The following NR5A1 variants were observed in gnomAD, a reference collection of about 807,000 sequenced individuals.
The protein encoded by NR5A1 is steroidogenic factor 1.
A neutral mutation model predicts 42.7 loss-of-function variants in NR5A1; 6 were observed. That is an observed-to-expected ratio of 0.14 (90% CI 0.08 to 0.28). The LOEUF (loss-of-function observed/expected upper bound fraction) is 0.28. Ranked by LOEUF, NR5A1 falls within the 10% of genes least tolerant of loss-of-function variation. NR5A1 has a pLI of 1.00. For missense variants in NR5A1, 442 were observed against 626.4 expected, an observed-to-expected ratio of 0.71 and a Z score of 3.14; for synonymous variants, 274 against 277.5, an observed-to-expected ratio of 0.99 and a Z score of 0.12.
intron 6 of NR5A1, among the ~76,000 whole-genome samples, chr9:124,487,500 C>T (rs140656199): frequency 2.0e-4 from 30 of 152,386 alleles, no homozygotes; most frequent in African/African-American, 6.7e-4. Context: ...CCGTGATTGC[C>T]AGGAGAGAGG....
intron 4 of NR5A1, among the ~76,000 whole-genome samples, chr9:124,495,896 C>T (rs910831932): frequency 1.3e-5 from 2 of 152,198 alleles, no homozygotes; most frequent in African/African-American, 4.8e-5. Flanking sequence ...TTTGGTGCCC[C>T]GTGCCCTGCA....
At chr9:124,491,017 A>AGGCCC in intron 6 of NR5A1, 64 bp downstream of exon 6, 5 of 457,438 alleles carry the variant, frequency 1.1e-5, no homozygotes, top group African/African-American at 2.1e-5. Context: ...CTCCAGCCTC[A>AGGCCC]CCCACCCTCC....
rs781555907 is a variant in NR5A1, at chr9:124,482,970, C to G, written c.1174G>C (p.Asp392His). The stretch of plus-strand genomic sequence containing the variant: ...GCGGCGTTGGCCTTCTCCTGAGCGT[C>G]TTTCACCAGGATGTGGTTATTCAGG... ...KFLNNHILVK[D>H]AQEKANAALL... is the part of the protein sequence containing the mutation. The change falls in exon 7 of 7, where the codon GAC (aspartate) becomes CAC (histidine). Residue 392 changes from aspartate to histidine, a missense_variant. Physicochemically the swap from Asp to His is moderately conservative, Grantham distance 81 (BLOSUM62 -1). Transcript: ENST00000373588. The G allele has an allele frequency of 1.2e-6, 2 of 1,614,164 alleles. No homozygotes were observed. Among genetic ancestry groups the G allele is most frequent in the East Asian group, 2.2e-5 (1 of 44,876 alleles).
intron 1 of NR5A1, among the ~76,000 whole-genome samples, chr9:124,504,020 G>GAGAC (rs1366172417): frequency 5.1e-4 from 68 of 133,626 alleles, no homozygotes; most frequent in African/African-American, 2.2e-3. Context: ...GAGAGACAGG[G>GAGAC]AGACAGAGAG....
chr9:124,485,147 T>C (rs1177157085), intron 6 of NR5A1, among the ~76,000 whole-genome samples: 1 of 152,048 alleles, frequency 6.6e-6, no homozygotes, highest in African/African-American at 2.4e-5. Flanking sequence ...TTTCAGCTCC[T>C]GGGCAGCATT....
intron 3 of NR5A1, among the ~76,000 whole-genome samples, chr9:124,502,183 A>G (rs2131288779): frequency 6.6e-6 from 1 of 152,260 alleles, no homozygotes; most frequent in Non-Finnish European, 1.5e-5. Context: ...GATGGGCTTG[A>G]CAGCTAACCT....
Position 124,482,641 on chromosome 9 carries a change from G to C in NR5A1, c.*117C>G. On this transcript the variant is annotated 3_prime_UTR_variant, in exon 7 of 7. Transcript: ENST00000373588. ...GGCAGCGGCCTCTGGGACGGGGCTG[G>C]GGCTCCTCGGTGGGCATCAGAAAAT... 8.2e-7 allele frequency: 1 copy of C among 1,218,398 alleles called. No individual in the cohort carries two copies. The highest frequency in any genetic ancestry group is 1.2e-6 in the Non-Finnish European group (1 of 863,742). 75.5% of individuals were successfully genotyped at this position (1,218,398 alleles called of 1,614,324 possible). A position where few individuals can be genotyped will look rare whatever the true frequency, so the allele number is the denominator to read the frequency against.
intron 6 of NR5A1, among the ~76,000 whole-genome samples, chr9:124,487,089 C>A (rs934220957): frequency 1.3e-5 from 2 of 152,230 alleles, no homozygotes; most frequent in Non-Finnish European, 2.9e-5. Context: ...TCCCGGCACT[C>A]GCGGAGGTGG....
chr9:124,493,202 T>A, intron 4 of NR5A1, 53 bp from the exon 5 acceptor site: 1 of 1,577,328 alleles, frequency 6.3e-7, no homozygotes, highest in Non-Finnish European at 8.6e-7. Flanking sequence ...TCCAGGGACC[T>A]TCCTCTCACC....
chr9:124,501,032 G>C lies in NR5A1; in HGVS notation c.245-317C>G, dbSNP rs1416043969. 1.6e-6 allele frequency: 1 copy of C among 636,794 alleles called. No homozygotes were observed. Among genetic ancestry groups the C allele is most frequent in the Non-Finnish European group, 3.0e-6 (1 of 334,570 alleles). 39.4% of individuals were successfully genotyped at this position (636,794 alleles called of 1,614,324 possible). On this transcript the variant is annotated intron_variant, in intron 3 of 6. Transcript: ENST00000373588. The surrounding 1 kb of genome is among the most constrained non-coding windows in gnomAD (Gnocchi z 4.1). Reference sequence around the variant, plus strand: ...TGACTCAAACTTTTTTTTTTCTCTTGTGCTTGCTGAACACCCAGCCTCAAT... The same window carrying C: ...TGACTCAAACTTTTTTTTTTCTCTTCTGCTTGCTGAACACCCAGCCTCAAT...
rs370038021 is a variant in NR5A1, at chr9:124,500,892, C to G, written c.245-177G>C. 7 of 987,058 alleles carry G rather than the reference C, an allele frequency of 7.1e-6. No individual in the cohort carries two copies. In the African/African-American group the frequency reaches 1.1e-4, roughly 16 times the overall value. The allele number at this position is 987,058 out of a possible 1,614,324, so 61.1% of individuals were successfully genotyped here. ...TTTGCCTGGCATTCAAGGCCCTGCT[C>G]AGCTTTTCAGGCAATCCCTGCTAAG... On this transcript the variant is annotated intron_variant, in intron 3 of 6. Transcript: ENST00000373588. The surrounding 1 kb of genome is among the most constrained non-coding windows in gnomAD (Gnocchi z 6.9).
chr9:124,491,741 G>A (rs549278602), intron 5 of NR5A1, among the ~76,000 whole-genome samples: 2 of 152,034 alleles, frequency 1.3e-5, no homozygotes, highest in South Asian at 4.2e-4. Flanking sequence ...AGGCACACAC[G>A]TGTGCACACG....
chr9:124,503,474 G>C lies in NR5A1; in HGVS notation c.-15-64C>G, dbSNP rs1321636160. 6.8e-6 allele frequency: 9 copies of C among 1,326,914 alleles called. No individual in the cohort carries two copies. The highest frequency in any genetic ancestry group is 9.3e-6 in the Non-Finnish European group (9 of 970,998). The allele number at this position is 1,326,914 out of a possible 1,614,324, so 82.2% of individuals were successfully genotyped here. A position where few individuals can be genotyped will look rare whatever the true frequency, so the allele number is the denominator to read the frequency against. Reference sequence around the variant, plus strand: ...CCGGCAGCCTGGGGTCCCCGCGGCCGCCGCCCCAGCCGCTGTCGCCGGCCC... The same window carrying C: ...CCGGCAGCCTGGGGTCCCCGCGGCCCCCGCCCCAGCCGCTGTCGCCGGCCC... On this transcript the variant is annotated intron_variant, in intron 1 of 6. Transcript: ENST00000373588. The surrounding 1 kb of genome is among the most constrained non-coding windows in gnomAD (Gnocchi z 9.6).
chr9:124,502,023 A>G (rs1022159828), intron 3 of NR5A1, among the ~76,000 whole-genome samples: 4 of 152,196 alleles, frequency 2.6e-5, no homozygotes, highest in Non-Finnish European at 5.9e-5. Flanking sequence ...CGGCCCCCTC[A>G]GGGCCTGGCT....
At chr9:124,506,289 A>T (rs1832558315) in intron 1 of NR5A1, among the ~76,000 whole-genome samples, 1 of 152,196 alleles carries the variant, frequency 6.6e-6, no homozygotes, top group Non-Finnish European at 1.5e-5. Flanking sequence ...GGCTTTACAG[A>T]TGGGGTACTG....
chr9:124,500,562 G>A lies in NR5A1; in HGVS notation c.398C>T (p.Pro133Leu). Residue 133 changes from proline to leucine, a missense_variant, in exon 4 of 7, where the codon CCT becomes CTT. By Grantham distance (98) the Pro-to-Leu change is moderately conservative. This residue lies in a region of NR5A1 where 208 missense variants were observed against 203.8 expected (regional missense o/e 1.02). Coordinates refer to ENST00000373588, the MANE Select transcript of NR5A1 (RefSeq NM_004959.5). This position sits in a 1 kb window ranked among gnomAD's most constrained non-coding sequence, Gnocchi z 6.9. ...AGGCAGCACGTAGTCCGGTGCGGGA[G>A]GGGGCGGCGGGGGCACCCCCATCGG... is the stretch of plus-strand genomic sequence containing the variant. ...GPPMGVPPPP[P>L]PAPDYVLPPS... 1.2e-6 allele frequency: 2 copies of A among 1,611,248 alleles called. No individual in the cohort carries two copies. The highest frequency in any genetic ancestry group is 1.1e-5 in the South Asian group (1 of 91,058).
At chr9:124,490,989 G>A (rs1489409151) in intron 6 of NR5A1, 92 bp downstream of exon 6, 8 of 1,503,856 alleles carry the variant, frequency 5.3e-6, no homozygotes, top group Non-Finnish European at 7.2e-6. Flanking sequence ...GGCCACTCTG[G>A]CCACAGCAGG....
At chr9:124,504,881 C>T (rs1291483333) in intron 1 of NR5A1, among the ~76,000 whole-genome samples, 3 of 141,732 alleles carry the variant, frequency 2.1e-5, no homozygotes, top group Non-Finnish European at 3.1e-5. Flanking sequence ...CCCGCCTCCC[C>T]GCCCCCCATC....
chr9:124,499,063 C>A (rs1265461662), intron 4 of NR5A1, among the ~76,000 whole-genome samples: 1 of 152,212 alleles, frequency 6.6e-6, no homozygotes, highest in Non-Finnish European at 1.5e-5. Context: ...TACACCCAGC[C>A]CCAGAACAGC....
Sources: allele counts gnomAD v4.1 joint callset (sites outside exome capture counted in the v4.1 genomes callset), GRCh38; gene constraint gnomAD v4.1.1; regional missense constraint gnomAD v4.1.1; non-coding constraint Gnocchi (gnomAD v3.1); transcripts MANE v1.5; gene names NCBI Gene and HGNC (gene_info 2026-07-23, HGNC 2026-07-21).